Variants in L2HGDH observed in about 807,000 individuals in gnomAD.
The protein encoded by L2HGDH is L-2-hydroxyglutarate dehydrogenase.
L2HGDH carries 34 observed loss-of-function variants against 51.5 expected under a neutral mutation model. The ratio of observed to expected loss-of-function variants is 0.66; its 90% confidence interval spans 0.50 to 0.88. The LOEUF (loss-of-function observed/expected upper bound fraction) is 0.88, where lower values mean the gene tolerates loss of function less well. Ranked by LOEUF, L2HGDH falls within the 40% of genes least tolerant of loss-of-function variation. The probability of loss-of-function intolerance (pLI) is 0.00; values close to 1 mark genes in which losing one functional copy is unlikely to be tolerated. For synonymous variants in L2HGDH, 198 were observed against 197.9 expected, an observed-to-expected ratio of 1.00 and a Z score of -0.01; for missense variants, 558 against 571.9, an observed-to-expected ratio of 0.98 and a Z score of 0.25.
chr14:50,293,128 T>C (rs1209636421), intron 4 of L2HGDH: 1 of 662,686 alleles, frequency 1.5e-6, no homozygotes, highest in East Asian at 2.8e-5. Context: ...AAATGGCTAT[T>C]ATAATTAAAC....
At chr14:50,303,810 T>A (rs1174734285) in intron 1 of L2HGDH, among the ~76,000 whole-genome samples, 36 of 113,944 alleles carry the variant, frequency 3.2e-4, no homozygotes, top group African/African-American at 3.1e-4. Flanking sequence ...TTAGACGCAT[T>A]AAAAAAAAAA....
At chr14:50,295,052 A>G (rs980635128) in intron 3 of L2HGDH, among the ~76,000 whole-genome samples, 1 of 152,212 alleles carries the variant, frequency 6.6e-6, no homozygotes, top group African/African-American at 2.4e-5. Flanking sequence ...AAGTAAGTGA[A>G]AAGACAACCC....
At chr14:50,283,207 A>G (rs1007146742) in intron 5 of L2HGDH, among the ~76,000 whole-genome samples, 4 of 151,000 alleles carry the variant, frequency 2.6e-5, no homozygotes, top group African/African-American at 7.3e-5. Flanking sequence ...CCCCAAGGGG[A>G]AAAAAAAAAT....
intron 4 of L2HGDH, among the ~76,000 whole-genome samples, chr14:50,286,779 T>C (rs1295349860): frequency 6.6e-6 from 1 of 152,234 alleles, no homozygotes; most frequent in East Asian, 1.9e-4. Context: ...TCATTCATCT[T>C]TCAAGTGGGG....
intron 4 of L2HGDH, 84 bp downstream of exon 4, chr14:50,294,031 T>G: frequency 6.8e-7 from 1 of 1,464,066 alleles, no homozygotes; most frequent in Non-Finnish European, 9.5e-7. Flanking sequence ...TTTTATATTA[T>G]TCCTGCCTCC....
At chr14:50,252,143 G>A (rs1888396075) in intron 9 of L2HGDH, among the ~76,000 whole-genome samples, 1 of 151,966 alleles carries the variant, frequency 6.6e-6, no homozygotes, top group South Asian at 2.1e-4. Context: ...AAAGTGTAGA[G>A]TTTTTATTAG....
chr14:50,270,116 G>A (rs1169345701), intron 6 of L2HGDH, among the ~76,000 whole-genome samples: 1 of 152,120 alleles, frequency 6.6e-6, no homozygotes, highest in Non-Finnish European at 1.5e-5. Context: ...TGCAAACTGA[G>A]GACACTTTAG....
intron 4 of L2HGDH, among the ~76,000 whole-genome samples, chr14:50,289,402 T>A (rs1396996250): frequency 6.6e-6 from 1 of 151,876 alleles, no homozygotes; most frequent in Non-Finnish European, 1.5e-5. Flanking sequence ...AACAGGGTAA[T>A]CTATTATCCT....
intron 9 of L2HGDH, among the ~76,000 whole-genome samples, chr14:50,264,734 G>T (rs1192046574): frequency 6.6e-6 from 1 of 152,228 alleles, no homozygotes; most frequent in African/African-American, 2.4e-5. Context: ...CTTAAGTGGG[G>T]AGGGAGGGAG....
chr14:50,276,946 T>C (rs996209069), intron 6 of L2HGDH, among the ~76,000 whole-genome samples: 1 of 152,214 alleles, frequency 6.6e-6, no homozygotes, highest in Non-Finnish European at 1.5e-5. Context: ...ACATTCCTGG[T>C]ATCTACCCAC....
At chr14:50,310,911 G>C (rs963037571) in intron 1 of L2HGDH, among the ~76,000 whole-genome samples, 3 of 145,752 alleles carry the variant, frequency 2.1e-5, no homozygotes, top group Non-Finnish European at 4.5e-5. Context: ...TTAATTATTA[G>C]CCTCTTCTTT....
chr14:50,281,613 A>G (rs1225949301), intron 5 of L2HGDH, among the ~76,000 whole-genome samples: 1 of 152,110 alleles, frequency 6.6e-6, no homozygotes, highest in Admixed American at 6.6e-5. Flanking sequence ...AAATAAATAA[A>G]ATAAAAATAA....
At chr14:50,308,961 C>T (rs565580435) in intron 1 of L2HGDH, among the ~76,000 whole-genome samples, 117 of 152,278 alleles carry the variant, frequency 7.7e-4, no homozygotes, top group African/African-American at 2.6e-3. Flanking sequence ...ATACAGGCGA[C>T]GCCTTGCATG....
intron 5 of L2HGDH, among the ~76,000 whole-genome samples, chr14:50,283,293 C>A (rs1366854146): frequency 6.6e-6 from 1 of 152,088 alleles, no homozygotes; most frequent in African/African-American, 2.4e-5. Context: ...ACAAATTTTC[C>A]ATAAACAGCC....
In L2HGDH at chr14:50,259,358, C is replaced by CT. The variant is rs201690350; in HGVS notation, c.1196+5999dup. Among the ~76,000 whole-genome samples the CT allele has an allele frequency of 4.4e-3, 351 of 79,254 alleles. 9 individuals carry two copies. Among genetic ancestry groups the CT allele is most frequent in the African/African-American group, 0.012 (244 of 19,534 alleles). The allele number at this position is 79,254 out of a possible 152,430, so 52.0% of individuals were successfully genotyped here. A position where few individuals can be genotyped will look rare whatever the true frequency, so the allele number is the denominator to read the frequency against. On this transcript the variant is annotated intron_variant, in intron 9 of 9. Coordinates refer to ENST00000267436, the MANE Select transcript of L2HGDH (RefSeq NM_024884.3). ...GTTTTCTTTTCTTTCTGTTTTTTTTCTTTTTCGGTTTTTTTTTTTTTTTTT... is the reference window on the plus strand; with the variant it reads ...GTTTTCTTTTCTTTCTGTTTTTTTTCTTTTTTCGGTTTTTTTTTTTTTTTTT...
Position 50,245,259 on chromosome 14 carries a change from C to T in L2HGDH, c.*1799G>A. 1.0e-6 allele frequency: 1 copy of T among 985,024 alleles called. No individual in the cohort carries two copies. Among genetic ancestry groups the T allele is most frequent in the Non-Finnish European group, 1.2e-6 (1 of 829,610 alleles). 61.0% of individuals were successfully genotyped at this position (985,024 alleles called of 1,614,324 possible). On this transcript the variant is annotated 3_prime_UTR_variant, in exon 10 of 10. Coordinates refer to ENST00000267436, the MANE Select transcript of L2HGDH (RefSeq NM_024884.3). ...TGAGAGCCTTAGTGTGACTAAAGAT[C>T]AGAGATATAATAGATAAATAACTTT...
chr14:50,270,445 G>A (rs1302035738), intron 6 of L2HGDH, among the ~76,000 whole-genome samples: 1 of 152,050 alleles, frequency 6.6e-6, no homozygotes, highest in Non-Finnish European at 1.5e-5. Context: ...TGAAGCCTCA[G>A]AGTTCTCACC....
At chr14:50,311,737 T>A (rs1319509240) in intron 1 of L2HGDH, among the ~76,000 whole-genome samples, 1 of 152,172 alleles carries the variant, frequency 6.6e-6, no homozygotes, top group African/African-American at 2.4e-5. Flanking sequence ...GGAGGTTAAG[T>A]AACTAGCCCA....
rs897389553 is a variant in L2HGDH, at chr14:50,243,507, T to C, written c.*3551A>G. ...CTCATTAAAATATTTTAAATATTAA[T>C]ATACATTTCTTCTGTCAGAAATACA... is the stretch of plus-strand genomic sequence containing the variant. On this transcript the variant is annotated 3_prime_UTR_variant, in exon 10 of 10. Transcript: ENST00000267436. 19 of 734,030 alleles carry C rather than the reference T, an allele frequency of 2.6e-5. No individual in the cohort carries two copies. In the Admixed American group the frequency reaches 6.3e-4, roughly 24 times the overall value. 45.5% of individuals were successfully genotyped at this position (734,030 alleles called of 1,614,324 possible).
Sources: allele counts gnomAD v4.1 joint callset (sites outside exome capture counted in the v4.1 genomes callset), GRCh38; gene constraint gnomAD v4.1.1; transcripts MANE v1.5; gene names NCBI Gene and HGNC (gene_info 2026-07-23, HGNC 2026-07-21).